Variants in PDE4D observed in about 807,000 individuals in gnomAD.
The protein encoded by PDE4D is phosphodiesterase 4D, also known as 3',5'-cyclic-AMP phosphodiesterase 4D.
A neutral mutation model predicts 87.4 loss-of-function variants in PDE4D; 24 were observed. The observed-to-expected ratio is 0.27, with a 90% CI of 0.20 to 0.39. The LOEUF (loss-of-function observed/expected upper bound fraction) is 0.39. PDE4D is among the 10% of genes least tolerant of loss of function. The probability of loss-of-function intolerance (pLI) is 1.00; values close to 1 mark genes in which losing one functional copy is unlikely to be tolerated. For missense variants in PDE4D, 714 were observed against 1,041.0 expected (o/e 0.69, Z 4.32); for synonymous variants, 384 against 383.2 (o/e 1.00, Z -0.02).
At chr5:60,440,526 C>A (rs919975983) in intron 1 of PDE4D, among the ~76,000 whole-genome samples, 2 of 152,010 alleles carry the variant, frequency 1.3e-5, no homozygotes, top group African/African-American at 4.8e-5. Flanking sequence ...TGGAGGAAGT[C>A]TATTTGAGGT....
chr5:59,229,817 A>T (rs1754732695), intron 1 of PDE4D, among the ~76,000 whole-genome samples: 2 of 152,160 alleles, frequency 1.3e-5, no homozygotes, highest in South Asian at 4.1e-4. Context: ...GTGTTTTCTG[A>T]GATGGAGTTT....
chr5:59,531,168 G>A (rs1237262562), intron 1 of PDE4D, among the ~76,000 whole-genome samples: 1 of 152,172 alleles, frequency 6.6e-6, no homozygotes, highest in African/African-American at 2.4e-5. Flanking sequence ...ATATTCTGAA[G>A]TAGAAACTGC....
chr5:59,693,570 T>A (rs545026135), intron 1 of PDE4D, among the ~76,000 whole-genome samples: 3 of 152,308 alleles, frequency 2.0e-5, no homozygotes, highest in African/African-American at 7.2e-5. Flanking sequence ...ATGTTTACCC[T>A]TAAAGATAAC....
At chr5:60,125,609 G>A (rs1442571805) in intron 2 of PDE4D, among the ~76,000 whole-genome samples, 2 of 152,044 alleles carry the variant, frequency 1.3e-5, no homozygotes, top group Non-Finnish European at 2.9e-5. Context: ...GAAAGACAGA[G>A]AGAGAGAGAG....
intron 1 of PDE4D, among the ~76,000 whole-genome samples, chr5:59,584,433 T>C (rs1334902429): frequency 6.6e-6 from 1 of 152,132 alleles, no homozygotes; most frequent in Non-Finnish European, 1.5e-5. Context: ...CAACAACAGA[T>C]TGGTACGACA....
intron 1 of PDE4D, among the ~76,000 whole-genome samples, chr5:59,713,087 T>C (rs1275454021): frequency 1.3e-5 from 2 of 152,168 alleles, no homozygotes; most frequent in African/African-American, 2.4e-5. Context: ...AGTTAAATAG[T>C]ACTGTTCAAA....
Position 60,147,506 on chromosome 5 carries a change from A to G in PDE4D, c.42+38051T>C, listed in dbSNP as rs112319465. Among the ~76,000 whole-genome samples the G allele has an allele frequency of 3.3e-5, 5 of 152,294 alleles. 1 individual carries two copies. The highest frequency in any genetic ancestry group is 1.2e-4 in the African/African-American group (5 of 41,582). On this transcript the variant is annotated intron_variant, in intron 2 of 16. Coordinates refer to the PDE4D transcript ENST00000502484. ...AAAAACACTTTATTTTCTTACATTC[A>G]CTTTTCTTTTAATCATGACCAGTCA...
chr5:60,063,154 GAAGGAAA>G (rs1771663937), intron 2 of PDE4D, among the ~76,000 whole-genome samples: 2 of 147,790 alleles, frequency 1.4e-5, no homozygotes, highest in Admixed American at 6.8e-5. Context: ...AAGAAAGAAA[GAAGGAAA>G]GAAAGAAAGA....
Position 59,031,585 on chromosome 5 carries a change from G to A in PDE4D, c.921+7274C>T, listed in dbSNP as rs188519790. ...TAGTGGGGCGTGGTAGCGGGCGCCT[G>A]TAGTCCCAGCTACTCAGGAGGCTGA... On this transcript the variant is annotated intron_variant, in intron 6 of 14. Coordinates refer to ENST00000340635, the MANE Select transcript of PDE4D (RefSeq NM_001104631.2). Among the ~76,000 whole-genome samples, 929 of 148,382 alleles carry A rather than the reference G, an allele frequency of 6.3e-3. 9 individuals are homozygous for A. The highest frequency in any genetic ancestry group is 0.022 in the African/African-American group (874 of 40,586).
intron 2 of PDE4D, among the ~76,000 whole-genome samples, chr5:59,194,967 G>C (rs1745132085): frequency 6.6e-6 from 1 of 152,178 alleles, no homozygotes; most frequent in Admixed American, 6.5e-5. Flanking sequence ...GTTATGGTGG[G>C]AGGGGGTTAG....
intron 2 of PDE4D, among the ~76,000 whole-genome samples, chr5:60,130,736 C>T (rs893281318): frequency 3.3e-5 from 5 of 152,100 alleles, no homozygotes; most frequent in South Asian, 2.1e-4. Flanking sequence ...AAAGATGACA[C>T]AGTGGTTTGG....
intron 1 of PDE4D, among the ~76,000 whole-genome samples, chr5:59,740,926 C>T (rs1758739419): frequency 1.3e-5 from 2 of 152,144 alleles, no homozygotes; most frequent in Non-Finnish European, 2.9e-5. Flanking sequence ...TTCTTGCATT[C>T]AATGCACCTA....
intron 1 of PDE4D, among the ~76,000 whole-genome samples, chr5:59,471,677 C>G (rs1802466955): frequency 6.6e-6 from 1 of 152,208 alleles, no homozygotes; most frequent in African/African-American, 2.4e-5. Context: ...GTGACAACAG[C>G]TACAAAATGC....
intron 1 of PDE4D, among the ~76,000 whole-genome samples, chr5:60,244,750 CAA>C (rs1747524610): frequency 6.6e-6 from 1 of 151,870 alleles, no homozygotes; most frequent in Non-Finnish European, 1.5e-5. Context: ...TATCCATATG[CAA>C]AAGAGTGAAA....
intron 1 of PDE4D, among the ~76,000 whole-genome samples, chr5:60,208,982 C>G (rs1254619217): frequency 1.3e-5 from 2 of 152,030 alleles, no homozygotes; most frequent in Non-Finnish European, 2.9e-5. Flanking sequence ...AAGGAAAAAG[C>G]AACTCAAAGC....
At chr5:59,264,122 G>A (rs1027815969) in intron 1 of PDE4D, among the ~76,000 whole-genome samples, 7 of 151,924 alleles carry the variant, frequency 4.6e-5, no homozygotes, top group Non-Finnish European at 8.8e-5. Context: ...GATATATAGA[G>A]TTATGATGAG....
intron 2 of PDE4D, among the ~76,000 whole-genome samples, chr5:59,993,642 G>T (rs1413470979): frequency 1.3e-5 from 2 of 152,020 alleles, no homozygotes; most frequent in Non-Finnish European, 2.9e-5. Context: ...TGCAATATTG[G>T]TAATAATTTT....
At chr5:60,147,612 C>A (rs1781123724) in intron 2 of PDE4D, 1 of 276,598 alleles carries the variant, frequency 3.6e-6, no homozygotes, top group Non-Finnish European at 7.4e-6. Flanking sequence ...ATATCTCTTA[C>A]CTCACACAGT....
chr5:60,014,431 G>A (rs1765327655), intron 2 of PDE4D, among the ~76,000 whole-genome samples: 1 of 152,146 alleles, frequency 6.6e-6, no homozygotes, highest in Non-Finnish European at 1.5e-5. Context: ...GATGGCAGAA[G>A]GTTTTCAGAG....
Sources: allele counts gnomAD v4.1 joint callset (sites outside exome capture counted in the v4.1 genomes callset), GRCh38; gene constraint gnomAD v4.1.1; transcripts MANE v1.5; gene names NCBI Gene and HGNC (gene_info 2026-07-23, HGNC 2026-07-21).